Variants in EGFLAM observed in about 807,000 individuals in gnomAD.
EGFLAM encodes pikachurin.
A neutral mutation model predicts 113.1 loss-of-function variants in EGFLAM; 79 were observed. That is an observed-to-expected ratio of 0.70 (90% CI 0.58 to 0.84). EGFLAM has a LOEUF of 0.84. Ranked by LOEUF, EGFLAM falls within the 40% of genes least tolerant of loss-of-function variation. The pLI, the probability that EGFLAM is intolerant of heterozygous loss-of-function variation, is 0.00. For missense variants in EGFLAM, 1,265 were observed against 1,291.6 expected (o/e 0.98, Z 0.32); for synonymous variants, 504 against 487.6 (o/e 1.03, Z -0.44).
Position 38,408,996 on chromosome 5 carries a change from A to G in EGFLAM, c.1249-8A>G. On this transcript the variant is annotated splice_region_variant and splice_polypyrimidine_tract_variant and intron_variant, in intron 9 of 21. Transcript: ENST00000322350. ...CTGTTCATGTGGCTTTTGTTTGTATAATCACAGGCGGAGGCAGAGGATGGC... is the reference window on the plus strand; with the variant it reads ...CTGTTCATGTGGCTTTTGTTTGTATGATCACAGGCGGAGGCAGAGGATGGC... 2 of 1,577,534 alleles carry G rather than the reference A, an allele frequency of 1.3e-6. No homozygotes were observed. The highest frequency in any genetic ancestry group is 1.7e-6 in the Non-Finnish European group (2 of 1,159,662).
At chr5:38,303,083 G>T (rs1315135399) in intron 1 of EGFLAM, among the ~76,000 whole-genome samples, 1 of 152,174 alleles carries the variant, frequency 6.6e-6, no homozygotes, top group Non-Finnish European at 1.5e-5. Flanking sequence ...AAAGCATGTA[G>T]TAGTTGTGGA....
At chr5:38,269,198 A>G (rs188914400) in intron 1 of EGFLAM, among the ~76,000 whole-genome samples, 3 of 152,218 alleles carry the variant, frequency 2.0e-5, no homozygotes, top group Non-Finnish European at 4.4e-5. Context: ...CAACAACAAC[A>G]ACAAAAACAA....
At chr5:38,318,701 C>CT (rs1433972999) in intron 1 of EGFLAM, among the ~76,000 whole-genome samples, 1 of 152,066 alleles carries the variant, frequency 6.6e-6, no homozygotes, top group East Asian at 1.9e-4. Context: ...GACGGCATTT[C>CT]ACCATATTGG....
intron 1 of EGFLAM, among the ~76,000 whole-genome samples, chr5:38,262,595 G>C (rs1251309782): frequency 1.3e-5 from 2 of 152,104 alleles, no homozygotes; most frequent in Non-Finnish European, 2.9e-5. Flanking sequence ...CATATTTTGT[G>C]TCCACCCTCT....
At chr5:38,390,099 C>T (rs9292707) in intron 6 of EGFLAM, among the ~76,000 whole-genome samples, 36,956 of 151,866 alleles carry the variant, frequency 0.24, 4,818 homozygotes, top group African/African-American at 0.33. Context: ...CAGGGGCAGC[C>T]CCTGAGTACT....
At chr5:38,354,986 T>C (rs969799982) in intron 5 of EGFLAM, among the ~76,000 whole-genome samples, 4 of 152,176 alleles carry the variant, frequency 2.6e-5, no homozygotes, top group Admixed American at 2.0e-4. Flanking sequence ...GGCAGCCGTG[T>C]GGCCCAGTGC....
intron 1 of EGFLAM, among the ~76,000 whole-genome samples, chr5:38,263,749 T>G (rs1044651525): frequency 2.6e-5 from 4 of 152,224 alleles, no homozygotes; most frequent in Non-Finnish European, 5.9e-5. Flanking sequence ...GCAGAAGTTT[T>G]TTAGGTTTTA....
chr5:38,349,773 GCACA>G (rs57785664), intron 3 of EGFLAM, among the ~76,000 whole-genome samples: 11,406 of 130,754 alleles, frequency 0.087, 376 homozygotes, highest in African/African-American at 0.13. Context: ...AAGTACACAC[GCACA>G]CACACACACA....
chr5:38,356,949 G>A (rs1293474791), intron 5 of EGFLAM, among the ~76,000 whole-genome samples: 1 of 152,190 alleles, frequency 6.6e-6, no homozygotes, highest in Non-Finnish European at 1.5e-5. Flanking sequence ...TCTTTGGAAC[G>A]TGGTTAGGTC....
chr5:38,306,080 G>A (rs929843446), intron 1 of EGFLAM, among the ~76,000 whole-genome samples: 5 of 152,206 alleles, frequency 3.3e-5, no homozygotes, highest in African/African-American at 7.2e-5. Context: ...GAGCCAAGCA[G>A]TAATCAGAAT....
At chr5:38,450,412 A>C (rs1742874657) in intron 18 of EGFLAM, among the ~76,000 whole-genome samples, 1 of 152,150 alleles carries the variant, frequency 6.6e-6, no homozygotes, top group Admixed American at 6.5e-5. Context: ...AGTTCCCTCC[A>C]CTGTTCACGA....
intron 1 of EGFLAM, among the ~76,000 whole-genome samples, chr5:38,279,870 T>C (rs1455937757): frequency 6.6e-6 from 1 of 152,146 alleles, no homozygotes; most frequent in Non-Finnish European, 1.5e-5. Flanking sequence ...AGATGTTAAG[T>C]GGGCCTAACA....
In EGFLAM at chr5:38,412,648, GGTAT is replaced by G. The variant is rs1225750217; in HGVS notation, c.1494+6_1494+9del. On this transcript the variant is annotated splice_donor_variant and splice_donor_region_variant and intron_variant, in intron 11 of 21. Coordinates refer to ENST00000322350, the MANE Select transcript of EGFLAM (RefSeq NM_152403.4). LOFTEE classifies it high-confidence loss of function. ...GCACCCCAGTGACAGGCCAGTCTCA[GGTAT>G]GTATGAGCCCCACACCCTGCCCACC... is the stretch of plus-strand genomic sequence containing the variant. 1 of 1,613,642 alleles carries G rather than the reference GGTAT, an allele frequency of 6.2e-7. No homozygotes were observed. The highest frequency in any genetic ancestry group is 8.5e-7 in the Non-Finnish European group (1 of 1,179,968).
At chr5:38,294,493 C>A (rs1435615602) in intron 1 of EGFLAM, among the ~76,000 whole-genome samples, 1 of 152,026 alleles carries the variant, frequency 6.6e-6, no homozygotes, top group African/African-American at 2.4e-5. Context: ...TCTAACCTAC[C>A]CCTATAGCCA....
intron 10 of EGFLAM, among the ~76,000 whole-genome samples, chr5:38,409,675 C>A (rs10065737): frequency 0.094 from 14,361 of 152,132 alleles, 1,230 homozygotes; most frequent in African/African-American, 0.23. Flanking sequence ...AAGGCTGGGG[C>A]CTTCTCATCT....
At chr5:38,463,083 C>T (rs542683743) in intron 21 of EGFLAM, 72 bp downstream of exon 21, 18 of 1,460,772 alleles carry the variant, frequency 1.2e-5, no homozygotes, top group South Asian at 2.4e-5. Context: ...TTTGCTGTGC[C>T]GAGGCTATGT....
intron 6 of EGFLAM, among the ~76,000 whole-genome samples, chr5:38,405,118 C>CTA (rs1741241839): frequency 6.6e-6 from 1 of 151,786 alleles, no homozygotes; most frequent in Non-Finnish European, 1.5e-5. Context: ...GGAGTGTTTA[C>CTA]TATAATCTCC....
At chr5:38,275,691 T>C (rs1319245563) in intron 1 of EGFLAM, among the ~76,000 whole-genome samples, 1 of 152,188 alleles carries the variant, frequency 6.6e-6, no homozygotes, top group Non-Finnish European at 1.5e-5. Context: ...AAACACTGGA[T>C]TTAAACTGCA....
At chr5:38,315,732 T>A (rs1434447865) in intron 1 of EGFLAM, among the ~76,000 whole-genome samples, 5 of 152,202 alleles carry the variant, frequency 3.3e-5, no homozygotes, top group Admixed American at 6.5e-5. Context: ...AGTTTCCTCA[T>A]CTGTACAATG....
Sources: gnomAD v4.1 joint callset for allele counts (sites outside exome capture counted in the v4.1 genomes callset) on GRCh38, gnomAD v4.1.1 for gene constraint, MANE v1.5 for transcripts, NCBI Gene and HGNC (gene_info 2026-07-23, HGNC 2026-07-21) for gene names.